UBTF: variants seen among roughly 807,000 people sequenced by gnomAD.
The protein encoded by UBTF is nucleolar transcription factor 1.
Under a neutral mutation model 112.3 loss-of-function variants are expected in UBTF, and 8 were observed. The ratio of observed to expected loss-of-function variants is 0.07; its 90% CI spans 0.04 to 0.13. UBTF has a LOEUF of 0.13. Ranked by LOEUF, UBTF falls within the 10% of genes least tolerant of loss-of-function variation. The pLI, the probability that UBTF is intolerant of heterozygous loss-of-function variation, is 1.00. For missense variants in UBTF, 457 were observed against 982.1 expected, an observed-to-expected ratio of 0.47 and a Z score of 7.15; for synonymous variants, 417 against 373.1, an observed-to-expected ratio of 1.12 and a Z score of -1.36.
At position 44,211,541 on chromosome 17, in the gene UBTF, C is replaced by A; in HGVS notation, c.1047+65G>T. ...GCACACGCCACCAGGGACTGACTGG[C>A]CCAAGATGGGATCAGACCTCATGCT... On this transcript the variant is annotated intron_variant, in intron 10 of 20. Transcript: ENST00000436088. The surrounding 1 kb of genome is among the most constrained non-coding windows in gnomAD (Gnocchi z 4.9). 6.3e-7 allele frequency: 1 copy of A among 1,576,384 alleles called. No homozygotes were observed.
intron 5 of UBTF, 78 bp from the exon 6 acceptor site, chr17:44,213,360 C>T: frequency 3.4e-6 from 5 of 1,464,620 alleles, no homozygotes; most frequent in Non-Finnish European, 4.6e-6. Context: ...CCAGACCCCT[C>T]CTCGCTGGCT....
Position 44,207,446 on chromosome 17 carries a change from T to A in UBTF, c.2169+8A>T. 1 of 1,613,448 alleles carries A rather than the reference T, an allele frequency of 6.2e-7. No individual in the cohort carries two copies. Among genetic ancestry groups the A allele is most frequent in the Non-Finnish European group, 8.5e-7 (1 of 1,179,626 alleles). ...CCCTCCCCTCCCACTGTGCCCTGTCTGCCCCACCTCATCCCCATCCTCGCT... is the reference window on the plus strand; with the variant it reads ...CCCTCCCCTCCCACTGTGCCCTGTCAGCCCCACCTCATCCCCATCCTCGCT... On this transcript the variant is annotated splice_region_variant and intron_variant, in intron 20 of 20. Coordinates refer to ENST00000436088, the MANE Select transcript of UBTF (RefSeq NM_014233.4).
upstream of UBTF, among the ~76,000 whole-genome samples, chr17:44,220,055 T>G (rs868632842): frequency 4.5e-4 from 50 of 110,730 alleles, no homozygotes; most frequent in East Asian, 3.3e-3. Context: ...CGGCGGCGGC[T>G]GCTGCTGCTG....
Position 44,210,798 on chromosome 17 carries a change from C to T in UBTF, c.1353G>A (p.Lys451=), listed in dbSNP as rs1461640201. 4 of 1,564,306 alleles carry T rather than the reference C, an allele frequency of 2.6e-6. No homozygotes were observed. The East Asian group carries it at 9.6e-5, about 37-fold the overall frequency. Reference sequence around the variant, plus strand: ...CTCCGCCAGGCAGCCTGACCTTCTTCTTCTCAGACAGGTCGTTCCACATTC... The same window carrying T: ...CTCCGCCAGGCAGCCTGACCTTCTTTTTCTCAGACAGGTCGTTCCACATTC... ...LARMWNDLSE[K]KKAKYKAREA... is the part of the protein sequence containing the mutation. The change falls in exon 13 of 21, where the codon AAG becomes AAA. Residue 451 remains lysine, a synonymous_variant. Transcript: ENST00000436088.
Position 44,211,012 on chromosome 17 carries a change from G to A in UBTF, c.1203+27C>T, listed in dbSNP as rs1222112622. 5 of 1,603,604 alleles carry A rather than the reference G, an allele frequency of 3.1e-6. No homozygotes were observed. The highest frequency in any genetic ancestry group is 1.1e-5 in the South Asian group (1 of 90,108). On this transcript the variant is annotated intron_variant, in intron 12 of 20. Transcript: ENST00000436088. This position sits in a 1 kb window ranked among gnomAD's most constrained non-coding sequence, Gnocchi z 4.9. ...AGGGAGCCCAGTCTTGCCCACCCCC[G>A]CCTGCGCGGCCGCACCCTCTGCCCA...
At chr17:44,209,239 A>C in intron 17 of UBTF, 113 bp downstream of exon 17, 1 of 1,107,948 alleles carries the variant, frequency 9.0e-7, no homozygotes, top group Non-Finnish European at 1.3e-6. Context: ...AGGGCATGGA[A>C]TGAAATCATG....
chr17:44,219,365 C>T (rs923215822), intron 1 of UBTF, 80 bp downstream of exon 1: 1 of 151,056 alleles, frequency 6.6e-6, no homozygotes, highest in African/African-American at 2.4e-5. Context: ...CGGGTCCCCG[C>T]TGGGCGCCCA....
In UBTF at chr17:44,207,119, GA is replaced by G; in HGVS notation, c.*122del. On this transcript the variant is annotated 3_prime_UTR_variant, in exon 21 of 21. Transcript: ENST00000436088. Reference sequence around the variant, plus strand: ...CACCGTATTTTTTTTTTTTTTTAAAGAAAGAAAGAAAGTGGGGGAGGCCAGG... The same window carrying G: ...CACCGTATTTTTTTTTTTTTTTAAAGAAGAAAGAAAGTGGGGGAGGCCAGG... The G allele has an allele frequency of 1.0e-6, 1 of 995,230 alleles. No homozygotes were observed. Among genetic ancestry groups the G allele is most frequent in the Admixed American group, 2.9e-5 (1 of 34,928 alleles). 61.6% of individuals were successfully genotyped at this position (995,230 alleles called of 1,614,324 possible).
At position 44,207,721 on chromosome 17, in the gene UBTF, C is replaced by T. The variant is rs373152562; in HGVS notation, c.2003G>A (p.Arg668Gln). Residue 668 changes from arginine (R) to glutamine (Q), a missense_variant, in exon 19 of 21, where the codon CGG becomes CAG. By Grantham distance (43) the Arg-to-Gln change is conservative (BLOSUM62 1). Coordinates refer to ENST00000436088, the MANE Select transcript of UBTF (RefSeq NM_014233.4). Reference protein sequence around the residue: ...KLRGPNPKSSRTTLQSKSESE... With the variant: ...KLRGPNPKSSQTTLQSKSESE... ...TACCGACTTGGACTGCAGAGTAGTC[C>T]GGCTGGATTTGGGGTTTGGGCCTCG... is the stretch of plus-strand genomic sequence containing the variant. The T allele has an allele frequency of 4.3e-6, 7 of 1,614,040 alleles. No homozygotes were observed. The highest frequency in any genetic ancestry group is 4.5e-5 in the East Asian group (2 of 44,900).
intron 2 of UBTF, among the ~76,000 whole-genome samples, chr17:44,216,965 A>C (rs1252755279): frequency 6.6e-6 from 1 of 152,154 alleles, no homozygotes. Flanking sequence ...GGCTATTATC[A>C]TTTATACTGT....
upstream of UBTF, among the ~76,000 whole-genome samples, chr17:44,220,042 C>T (rs1423007320): frequency 1.8e-5 from 2 of 112,866 alleles, no homozygotes; most frequent in Non-Finnish European, 3.5e-5. Context: ...GTGGTGCTGG[C>T]GGCGGCGGCG....
intron 17 of UBTF, among the ~76,000 whole-genome samples, chr17:44,208,147 G>C (rs1157691263): frequency 1.4e-5 from 2 of 142,338 alleles, no homozygotes; most frequent in East Asian, 4.0e-4. Flanking sequence ...CTGTCACCCA[G>C]GCTGGAGTGC....
chr17:44,209,498 C>T lies in UBTF; in HGVS notation c.1759G>A (p.Glu587Lys). The T allele has an allele frequency of 6.2e-7, 1 of 1,613,178 alleles. No homozygotes were observed. Among genetic ancestry groups the T allele is most frequent in the Non-Finnish European group, 8.5e-7 (1 of 1,179,228 alleles). ...TCCTTCAGCGGCAGGTGGTTCAGCT[C>T]CCCATTGGACAGCAGCTCCTGGGAG... ...KFSQELLSNGELNHLPLKERM... is the reference protein window; with the variant it reads ...KFSQELLSNGKLNHLPLKERM... The change falls in exon 17 of 21, where the codon GAG becomes AAG. Residue 587 changes from glutamate to lysine, a missense_variant. This residue lies in a region of UBTF where 77 missense variants were observed against 211.9 expected (regional missense o/e 0.36). Transcript: ENST00000436088.
rs769326008 is a variant in UBTF at position 44,207,347 on chromosome 17, G to A, written c.2190C>T (p.Asp730=). The A allele has an allele frequency of 2.5e-5, 40 of 1,612,326 alleles. No homozygotes were observed. Among genetic ancestry groups the A allele is most frequent in the African/African-American group, 1.1e-4 (8 of 74,770 alleles). ...CATCGTCATCCTCGTCGTCGTCTTC[G>A]TCCTCGTCATCCTCTTCATTCTGGG... ...DGDENEEDDE[D]EDDDEDDDED... is the part of the protein sequence containing the mutation. The change falls in exon 21 of 21, where the codon GAC becomes GAT. Residue 730 remains aspartate, a synonymous_variant. Transcript: ENST00000436088.
chr17:44,210,575 C>T (rs2056596676), intron 13 of UBTF, 102 bp from the exon 14 acceptor site: 2 of 1,439,610 alleles, frequency 1.4e-6, no homozygotes, highest in African/African-American at 1.4e-5. Context: ...GAAGCATGGG[C>T]TGGTGCAGAT....
intron 2 of UBTF, 93 bp from the exon 3 acceptor site, chr17:44,216,797 G>A (rs1246621191): frequency 1.5e-6 from 2 of 1,292,532 alleles, no homozygotes; most frequent in African/African-American, 2.9e-5. Flanking sequence ...TCCTCCCTAG[G>A]GCATCCCAGC....
At chr17:44,219,302 C>T (rs1012862628) in intron 1 of UBTF, 143 bp downstream of exon 1, 2 of 151,142 alleles carry the variant, frequency 1.3e-5, no homozygotes, top group African/African-American at 2.4e-5. Context: ...CTCTCGGCGT[C>T]CTCCCAAGTG....
upstream of UBTF, chr17:44,221,141 C>G (rs545165916): frequency 6.9e-6 from 1 of 145,268 alleles, no homozygotes; most frequent in Admixed American, 6.8e-5. Context: ...TTTTTTTTTT[C>G]TTTTTGCAGG....
In UBTF at chr17:44,207,086, C is replaced by G. The variant is rs886128047; in HGVS notation, c.*156G>C. 4.7e-6 allele frequency: 4 copies of G among 858,084 alleles called. No homozygotes were observed. Among genetic ancestry groups the G allele is most frequent in the Non-Finnish European group, 5.3e-6 (3 of 570,120 alleles). The allele number at this position is 858,084 out of a possible 1,614,324, so 53.2% of individuals were successfully genotyped here. On this transcript the variant is annotated 3_prime_UTR_variant, in exon 21 of 21. Transcript: ENST00000436088. ...GTCCTGGCCTGGGCTCCTCCAGCCC[C>G]CTACCCCCACCGTATTTTTTTTTTT...
Sources: gnomAD v4.1 joint callset for allele counts (sites outside exome capture counted in the v4.1 genomes callset) on GRCh38, gnomAD v4.1.1 for gene constraint, gnomAD v4.1.1 regional missense constraint, Gnocchi (gnomAD v3.1) non-coding constraint, MANE v1.5 for transcripts, NCBI Gene and HGNC (gene_info 2026-07-23, HGNC 2026-07-21) for gene names.